Variants in LINGO2 observed in about 807,000 individuals in gnomAD.
LINGO2 encodes the protein leucine-rich repeat and immunoglobulin-like domain-containing nogo receptor-interacting protein 2.
A neutral mutation model predicts 30.6 loss-of-function variants in LINGO2; 14 were observed. The observed-to-expected ratio is 0.46, with a 90% CI of 0.30 to 0.72. The LOEUF (loss-of-function observed/expected upper bound fraction) is 0.72, where lower values mean the gene tolerates loss of function less well. Among genes scored for constraint, LINGO2 ranks in the 30% least tolerant of loss-of-function variants. LINGO2 has a pLI of 0.07. For missense variants in LINGO2, 729 were observed against 751.7 expected (o/e 0.97, Z 0.35); for synonymous variants, 317 against 288.5 (o/e 1.10, Z -1.00).
chr9:28,322,501 T>A (rs1000564809), intron 3 of LINGO2, among the ~76,000 whole-genome samples: 1 of 152,010 alleles, frequency 6.6e-6, no homozygotes. Context: ...AATACTTTTT[T>A]AAATAACCAA....
At chr9:28,330,916 A>G (rs1039314947) in intron 3 of LINGO2, among the ~76,000 whole-genome samples, 3 of 152,128 alleles carry the variant, frequency 2.0e-5, no homozygotes, top group Non-Finnish European at 2.9e-5. Flanking sequence ...AATAAGACAG[A>G]TTTTCAAGAG....
At chr9:27,956,384 TTC>T (rs1819570289) in intron 5 of LINGO2, among the ~76,000 whole-genome samples, 1 of 152,256 alleles carries the variant, frequency 6.6e-6, no homozygotes. Flanking sequence ...TTCAACATTT[TTC>T]TCACTTTTAA....
At chr9:29,042,847 T>C in the LINGO2 span, among the ~76,000 whole-genome samples, 1 of 151,892 alleles carries the variant, frequency 6.6e-6, no homozygotes, top group Non-Finnish European at 1.5e-5. Context: ...ATAACATATG[T>C]TTTTATTACT....
At chr9:28,949,604 T>C in the LINGO2 span, among the ~76,000 whole-genome samples, 1 of 152,106 alleles carries the variant, frequency 6.6e-6, no homozygotes, top group Non-Finnish European at 1.5e-5. Context: ...GTTCTGAAAT[T>C]GAGACGGTAA....
chr9:28,117,940 G>A (rs1317020296), intron 4 of LINGO2, among the ~76,000 whole-genome samples: 2 of 152,192 alleles, frequency 1.3e-5, no homozygotes, highest in African/African-American at 2.4e-5. Flanking sequence ...AAGGCATGAA[G>A]TGTAAAAGAG....
intron 2 of LINGO2, among the ~76,000 whole-genome samples, chr9:28,387,965 C>T (rs1304731285): frequency 6.6e-6 from 1 of 152,134 alleles, no homozygotes; most frequent in East Asian, 1.9e-4. Context: ...TTGAAGTCAG[C>T]AAGACCAAGA....
chr9:28,451,415 G>T (rs1234205007), intron 2 of LINGO2, among the ~76,000 whole-genome samples: 1 of 151,728 alleles, frequency 6.6e-6, no homozygotes, highest in Non-Finnish European at 1.5e-5. Flanking sequence ...ATGCAAACAG[G>T]TTCGATAAAG....
chr9:28,372,508 T>C lies in LINGO2; in HGVS notation c.-246+328A>G, dbSNP rs146159502. Reference sequence around the variant, plus strand: ...AATGGTGGTTATAGAGGCTGGCTGTTGGAGAGAATGGAATGATGATAGTCA... The same window carrying C: ...AATGGTGGTTATAGAGGCTGGCTGTCGGAGAGAATGGAATGATGATAGTCA... On this transcript the variant is annotated intron_variant, in intron 3 of 5. Coordinates refer to ENST00000379992, the Ensembl canonical transcript of LINGO2. Among the ~76,000 whole-genome samples, 905 of 152,224 alleles carry C rather than the reference T, an allele frequency of 5.9e-3. 8 individuals are homozygous for C. Among genetic ancestry groups the C allele is most frequent in the African/African-American group, 0.021 (867 of 41,550 alleles).
chr9:28,769,337 C>T, the LINGO2 span, among the ~76,000 whole-genome samples: 2 of 149,302 alleles, frequency 1.3e-5, no homozygotes, highest in African/African-American at 2.5e-5. Flanking sequence ...CCCTTAATTC[C>T]TGCATGTTAA....
chr9:28,302,288 A>G (rs979736546), intron 3 of LINGO2, among the ~76,000 whole-genome samples: 8 of 152,230 alleles, frequency 5.3e-5, no homozygotes, highest in Non-Finnish European at 4.4e-5. Flanking sequence ...AGAAACTGTC[A>G]TCTCTCTATA....
the LINGO2 span, among the ~76,000 whole-genome samples, chr9:29,129,679 T>TA: frequency 6.6e-6 from 1 of 152,046 alleles, no homozygotes; most frequent in African/African-American, 2.4e-5. Context: ...AGAGGTTACG[T>TA]AAAAGTTAAG....
At chr9:28,920,741 C>T in the LINGO2 span, among the ~76,000 whole-genome samples, 6 of 151,900 alleles carry the variant, frequency 3.9e-5, no homozygotes, top group Non-Finnish European at 8.8e-5. Context: ...CACACACACA[C>T]GCACACAAAT....
At chr9:29,011,652 C>T in the LINGO2 span, among the ~76,000 whole-genome samples, 428 of 152,198 alleles carry the variant, frequency 2.8e-3, 1 homozygote, top group African/African-American at 9.6e-3. Context: ...TGGCCATGAC[C>T]CCTTGGCCAC....
intron 5 of LINGO2, among the ~76,000 whole-genome samples, chr9:27,963,517 G>T (rs1819946616): frequency 6.6e-6 from 1 of 152,064 alleles, no homozygotes; most frequent in South Asian, 2.1e-4. Flanking sequence ...GGAAACAGCT[G>T]CTTTGATGGA....
the LINGO2 span, among the ~76,000 whole-genome samples, chr9:28,703,904 T>C: frequency 2.6e-5 from 4 of 152,020 alleles, no homozygotes; most frequent in Non-Finnish European, 5.9e-5. Context: ...TTCATTTCAC[T>C]AATACATGAG....
chr9:29,102,183 G>A, the LINGO2 span, among the ~76,000 whole-genome samples: 150 of 151,792 alleles, frequency 9.9e-4, no homozygotes, highest in African/African-American at 3.5e-3. Context: ...CGGGGTTCAC[G>A]CCATTCTCCT....
rs566165033 is a variant in LINGO2, at chr9:28,172,520, G to A, written c.-87+122688C>T. ...GTCATTTTAAACATCTCAAAACTAG[G>A]GTAATCTTGACTTAAAGTTTGGATA... On this transcript the variant is annotated intron_variant, in intron 4 of 5. Transcript: ENST00000379992. 3.9e-5 allele frequency among the ~76,000 whole-genome samples: 6 copies of A among 152,210 alleles called. No homozygotes were observed. The East Asian group carries it at 1.2e-3, about 29-fold the overall frequency.
At chr9:29,012,372 T>C in the LINGO2 span, among the ~76,000 whole-genome samples, 2 of 151,960 alleles carry the variant, frequency 1.3e-5, no homozygotes, top group African/African-American at 4.8e-5. Context: ...AAAAAAATTA[T>C]ATTATTCACA....
intron 5 of LINGO2, among the ~76,000 whole-genome samples, chr9:27,976,508 T>A (rs1245841243): frequency 6.6e-6 from 1 of 152,178 alleles, no homozygotes. Flanking sequence ...GGCATAATGC[T>A]AGGTTTTTTT....
Sources: allele counts gnomAD v4.1 joint callset (sites outside exome capture counted in the v4.1 genomes callset), GRCh38; gene constraint gnomAD v4.1.1; transcripts MANE v1.5; gene names NCBI Gene and HGNC (gene_info 2026-07-23, HGNC 2026-07-21).